Variants in CSMD1 observed in about 807,000 individuals in gnomAD.
CSMD1 encodes the protein CUB and sushi domain-containing protein 1.
A neutral mutation model predicts 417.5 loss-of-function variants in CSMD1; 213 were observed. That is an observed-to-expected ratio of 0.51 (90% CI 0.46 to 0.57). The LOEUF is 0.57. Among genes scored for constraint, CSMD1 ranks in the 20% least tolerant of loss-of-function variants. The pLI, the probability that CSMD1 is intolerant of heterozygous loss-of-function variation, is 0.00. For missense variants in CSMD1, 6,923 were observed against 4,529.7 expected (o/e 1.53, Z -15.17); for synonymous variants, 2,862 against 1,736.8 (o/e 1.65, Z -16.11).
At chr8:3,403,430 C>T (rs1812157616) in intron 15 of CSMD1, among the ~76,000 whole-genome samples, 2 of 152,184 alleles carry the variant, frequency 1.3e-5, no homozygotes, top group African/African-American at 4.8e-5. Flanking sequence ...GGCTCAGCTG[C>T]ACTCAGTCAT....
intron 7 of CSMD1, among the ~76,000 whole-genome samples, chr8:3,704,106 T>C (rs1449448815): frequency 6.6e-6 from 1 of 151,916 alleles, no homozygotes; most frequent in African/African-American, 2.4e-5. Context: ...CTCTCTTAAG[T>C]CTTATAATTA....
intron 1 of CSMD1, among the ~76,000 whole-genome samples, chr8:4,698,903 A>AACAC (rs71988727): frequency 0.025 from 3,510 of 140,176 alleles, 80 homozygotes; most frequent in East Asian, 0.061. Flanking sequence ...ATACCCTCCC[A>AACAC]ACACACACAC....
At chr8:3,610,259 G>A (rs1801825436) in intron 8 of CSMD1, among the ~76,000 whole-genome samples, 1 of 152,092 alleles carries the variant, frequency 6.6e-6, no homozygotes, top group African/African-American at 2.4e-5. Flanking sequence ...CGATATGTGG[G>A]CTGGGCACGG....
At chr8:4,861,515 T>G (rs1288434258) in intron 1 of CSMD1, among the ~76,000 whole-genome samples, 1 of 152,034 alleles carries the variant, frequency 6.6e-6, no homozygotes, top group Non-Finnish European at 1.5e-5. Context: ...TAGTGTCAAG[T>G]GAGGGGTATG....
chr8:4,979,523 C>T (rs77276664), intron 1 of CSMD1, among the ~76,000 whole-genome samples: 1 of 152,016 alleles, frequency 6.6e-6, no homozygotes, highest in Non-Finnish European at 1.5e-5. Flanking sequence ...ATAAGATACT[C>T]ACTGTCTACC....
chr8:4,412,934 C>T lies in CSMD1; in HGVS notation c.415+7019G>A, dbSNP rs561067284. Among the ~76,000 whole-genome samples the T allele has an allele frequency of 2.2e-3, 329 of 152,240 alleles. 2 individuals carry two copies. The highest frequency in any genetic ancestry group is 7.8e-3 in the African/African-American group (322 of 41,532). On this transcript the variant is annotated intron_variant, in intron 3 of 69. Transcript: ENST00000635120. ...AATCAGATAAAAGAAAAGTTGACGC[C>T]TCAGGTTAACAGAACTTGTATCATC...
intron 2 of CSMD1, among the ~76,000 whole-genome samples, chr8:4,535,251 T>C (rs530769686): frequency 1.4e-4 from 21 of 152,316 alleles, no homozygotes; most frequent in Non-Finnish European, 1.3e-4. Context: ...TTTAAATAAT[T>C]TAAATGAATT....
At position 4,647,330 on chromosome 8, in the gene CSMD1, G is replaced by A. The variant is rs554320878; in HGVS notation, c.86-9772C>T. 6.6e-5 allele frequency among the ~76,000 whole-genome samples: 10 copies of A among 151,360 alleles called. No individual in the cohort carries two copies. In the East Asian group the frequency reaches 7.8e-4, roughly 12 times the overall value. Reference sequence around the variant, plus strand: ...TACATAGGTATACATGTGCCACGGCGGCCTGCTACGTAGGTACGCGTGTGC... The same window carrying A: ...TACATAGGTATACATGTGCCACGGCAGCCTGCTACGTAGGTACGCGTGTGC... On this transcript the variant is annotated intron_variant, in intron 1 of 69. Coordinates refer to ENST00000635120, the MANE Select transcript of CSMD1 (RefSeq NM_033225.6).
chr8:4,550,091 G>C (rs1797804829), intron 2 of CSMD1, among the ~76,000 whole-genome samples: 1 of 151,650 alleles, frequency 6.6e-6, no homozygotes, highest in Non-Finnish European at 1.5e-5. Context: ...GGATAGGCGT[G>C]GGTTGCTCGG....
intron 3 of CSMD1, among the ~76,000 whole-genome samples, chr8:4,126,574 G>C (rs906612263): frequency 1.3e-5 from 2 of 152,158 alleles, no homozygotes; most frequent in Non-Finnish European, 2.9e-5. Context: ...ATGGAGACTG[G>C]GGACGGGCCA....
intron 3 of CSMD1, among the ~76,000 whole-genome samples, chr8:4,253,420 C>T (rs62478857): frequency 6.6e-6 from 1 of 151,736 alleles, no homozygotes; most frequent in Non-Finnish European, 1.5e-5. Flanking sequence ...ATTTTTTTCC[C>T]ACACCAGAAC....
At chr8:3,370,972 C>G (rs953677228) in intron 18 of CSMD1, among the ~76,000 whole-genome samples, 4 of 147,732 alleles carry the variant, frequency 2.7e-5, no homozygotes, top group African/African-American at 1.0e-4. Context: ...AGTCAAACTC[C>G]ATCAAAAAAA....
chr8:3,533,570 C>G (rs1798068063), intron 10 of CSMD1, among the ~76,000 whole-genome samples: 1 of 152,174 alleles, frequency 6.6e-6, no homozygotes, highest in Admixed American at 6.5e-5. Flanking sequence ...GGTTCACACA[C>G]TGCTGTTGAA....
intron 2 of CSMD1, among the ~76,000 whole-genome samples, chr8:4,586,751 G>C (rs1416792995): frequency 2.6e-5 from 4 of 152,114 alleles, no homozygotes; most frequent in African/African-American, 9.7e-5. Context: ...ATGAATAGCT[G>C]TGCGGTTCCC....
Position 3,464,784 on chromosome 8 carries a change from T to A in CSMD1, c.1561+3928A>T, listed in dbSNP as rs952879651. On this transcript the variant is annotated intron_variant, in intron 12 of 69. Coordinates refer to ENST00000635120, the MANE Select transcript of CSMD1 (RefSeq NM_033225.6). ...AATTTACATCCTGCTTCTTAGCATTTGGGCTTTTGAACAGATTATTTTTAA... is the reference window on the plus strand; with the variant it reads ...AATTTACATCCTGCTTCTTAGCATTAGGGCTTTTGAACAGATTATTTTTAA... 4.6e-5 allele frequency among the ~76,000 whole-genome samples: 7 copies of A among 152,252 alleles called. No homozygotes were observed. In the South Asian group the frequency reaches 6.2e-4, roughly 14 times the overall value.
chr8:4,920,986 GAAAGAAAGAAAAGAAAGAAAGAAAGA>G (rs1563770041), intron 1 of CSMD1, among the ~76,000 whole-genome samples: 950 of 25,560 alleles, frequency 0.037, 155 homozygotes, highest in African/African-American at 0.11. Context: ...AAGAAACAAA[GAAAGAAAGAAAAGAAAGAAAGAAAGA>G]AAAGAAAGAA....
intron 3 of CSMD1, among the ~76,000 whole-genome samples, chr8:4,408,171 G>C (rs1479753370): frequency 1.3e-5 from 2 of 152,210 alleles, no homozygotes; most frequent in East Asian, 3.8e-4. Context: ...CCAAAGCTTA[G>C]TCAGATGTAT....
chr8:4,853,591 T>C (rs977603961), intron 1 of CSMD1, among the ~76,000 whole-genome samples: 3 of 152,180 alleles, frequency 2.0e-5, no homozygotes, highest in African/African-American at 7.2e-5. Flanking sequence ...ACACAGATAT[T>C]TGAATAGGGC....
chr8:3,583,141 C>A (rs1193078272), intron 9 of CSMD1, among the ~76,000 whole-genome samples: 1 of 151,964 alleles, frequency 6.6e-6, no homozygotes, highest in African/African-American at 2.4e-5. Flanking sequence ...GCCTGTCTTT[C>A]AGAATTCAGA....
Sources: gnomAD v4.1 joint callset for allele counts (sites outside exome capture counted in the v4.1 genomes callset) on GRCh38, gnomAD v4.1.1 for gene constraint, MANE v1.5 for transcripts, NCBI Gene and HGNC (gene_info 2026-07-23, HGNC 2026-07-21) for gene names.